CUBN: variants seen among roughly 807,000 people sequenced by gnomAD.
CUBN encodes the protein 460 kDa receptor.
Under a neutral mutation model 405.3 loss-of-function variants are expected in CUBN, and 282 were observed. The observed-to-expected ratio is 0.70, with a 90% confidence interval of 0.63 to 0.77. The LOEUF (loss-of-function observed/expected upper bound fraction) is 0.77, where lower values mean the gene tolerates loss of function less well. Among genes scored for constraint, CUBN ranks in the 30% least tolerant of loss-of-function variants. The pLI, the probability that CUBN is intolerant of heterozygous loss-of-function variation, is 0.00. For synonymous variants in CUBN, 1,684 were observed against 1,617.0 expected, an observed-to-expected ratio of 1.04 and a Z score of -0.99; for missense variants, 4,514 against 4,475.2, an observed-to-expected ratio of 1.01 and a Z score of -0.25.
chr10:16,907,471 G>C, intron 49 of CUBN, 37 bp downstream of exon 49: 2 of 1,607,852 alleles, frequency 1.2e-6, no homozygotes, highest in Non-Finnish European at 8.5e-7. Context: ...CAGTGCCCCT[G>C]ATTAAAATGG....
intron 27 of CUBN, chr10:17,023,692 T>G: frequency 2.2e-6 from 1 of 452,092 alleles, no homozygotes; most frequent in Non-Finnish European, 4.5e-6. Context: ...CCTGAAGATC[T>G]ACTCAGAGTG....
chr10:17,056,964 T>C (rs1835409819), intron 22 of CUBN, among the ~76,000 whole-genome samples: 1 of 152,110 alleles, frequency 6.6e-6, no homozygotes, highest in African/African-American at 2.4e-5. Flanking sequence ...CTATTAGTCA[T>C]CAGGGAAATG....
chr10:16,851,734 CTCTA>C (rs1286027722), intron 59 of CUBN, among the ~76,000 whole-genome samples: 1 of 135,882 alleles, frequency 7.4e-6, no homozygotes, highest in Non-Finnish European at 1.6e-5. Flanking sequence ...CCCTCCCTCC[CTCTA>C]TCTTTCCCTC....
intron 54 of CUBN, among the ~76,000 whole-genome samples, chr10:16,892,644 A>G (rs1325439240): frequency 1.3e-5 from 2 of 152,122 alleles, no homozygotes; most frequent in African/African-American, 4.8e-5. Flanking sequence ...GGTGCGTGCA[A>G]CCATGCCTGG....
chr10:16,968,021 G>C (rs1000879314), intron 31 of CUBN, among the ~76,000 whole-genome samples: 2 of 151,052 alleles, frequency 1.3e-5, no homozygotes, highest in Non-Finnish European at 1.5e-5. Context: ...GAGGGAGAGA[G>C]GAAGAGGAGG....
chr10:17,044,018 GACTATAA>G (rs1564492160), intron 25 of CUBN, 35 bp from the exon 26 acceptor site: 1 of 1,574,048 alleles, frequency 6.4e-7, no homozygotes, highest in Non-Finnish European at 8.7e-7. Context: ...AGATGGTTGA[GACTATAA>G]ACATTATGTA....
At position 16,913,884 on chromosome 10, in the gene CUBN, C is replaced by G; in HGVS notation, c.7460G>C (p.Gly2487Ala). The change falls in exon 48 of 67, where the codon GGA becomes GCA. Residue 2487 changes from glycine (G) to alanine (A), a missense_variant. Physicochemically the swap from Gly to Ala is moderately conservative, Grantham distance 60. Around this residue, in one of 5 missense-constraint regions of CUBN, gnomAD observed 1,613 missense variants for 1,542.8 expected, o/e 1.05. Coordinates refer to ENST00000377833, the MANE Select transcript of CUBN (RefSeq NM_001081.4). ...ICEWRITAPE[G>A]RRITLMFNNL... is the part of the protein sequence containing the mutation. The stretch of plus-strand genomic sequence containing the variant: ...GTTAAACATTAGGGTGATCCGCCTT[C>G]CCTCCGGGGCAGTGATTCTCCACTC... 1 of 1,614,112 alleles carries G rather than the reference C, an allele frequency of 6.2e-7. No individual in the cohort carries two copies. The highest frequency in any genetic ancestry group is 1.1e-5 in the South Asian group (1 of 91,074).
rs78439308 is a variant in CUBN at position 17,039,028 on chromosome 10, A to G, written c.4017+2005T>C. Reference sequence around the variant, plus strand: ...CTTTTTGTTGCCATTTCATCCTCAAATGAGTCGAAAGAAATGGAGTTCAGG... The same window carrying G: ...CTTTTTGTTGCCATTTCATCCTCAAGTGAGTCGAAAGAAATGGAGTTCAGG... On this transcript the variant is annotated intron_variant, in intron 27 of 66. Transcript: ENST00000377833. 6.6e-3 allele frequency among the ~76,000 whole-genome samples: 1,002 copies of G among 152,262 alleles called. 11 individuals carry two copies. Among genetic ancestry groups the G allele is most frequent in the African/African-American group, 0.023 (961 of 41,520 alleles).
intron 58 of CUBN, among the ~76,000 whole-genome samples, chr10:16,871,201 T>A (rs1004745762): frequency 2.0e-5 from 3 of 151,614 alleles, no homozygotes; most frequent in Non-Finnish European, 2.9e-5. Context: ...CTATTTTTTT[T>A]AATTACATGT....
intron 40 of CUBN, among the ~76,000 whole-genome samples, chr10:16,932,011 G>C (rs944610016): frequency 6.6e-6 from 1 of 152,172 alleles, no homozygotes; most frequent in Non-Finnish European, 1.5e-5. Context: ...TGCACAGGAA[G>C]GCTTAGATGT....
chr10:17,008,238 GGTGTGT>G (rs55936618), intron 28 of CUBN, among the ~76,000 whole-genome samples: 14 of 80,908 alleles, frequency 1.7e-4, no homozygotes, highest in Middle Eastern at 6.3e-3. Context: ...GCCCGTGTGT[GGTGTGT>G]GTGTGTGTGT....
chr10:17,000,987 T>A (rs1833862542), intron 28 of CUBN, among the ~76,000 whole-genome samples: 1 of 151,956 alleles, frequency 6.6e-6, no homozygotes, highest in Admixed American at 6.6e-5. Context: ...GTGTCCGGAG[T>A]TTGCTCCTTC....
chr10:16,865,354 C>T (rs940436781), intron 59 of CUBN, among the ~76,000 whole-genome samples: 1 of 152,112 alleles, frequency 6.6e-6, no homozygotes, highest in Non-Finnish European at 1.5e-5. Flanking sequence ...GCCTTGGTCT[C>T]TTAGCAAAGG....
At chr10:17,057,047 T>C (rs1240021455) in intron 22 of CUBN, among the ~76,000 whole-genome samples, 2 of 152,052 alleles carry the variant, frequency 1.3e-5, no homozygotes, top group African/African-American at 4.8e-5. Context: ...ATATTAAGGA[T>C]TGGGAAAGAT....
chr10:16,974,448 G>A (rs1348191653), intron 31 of CUBN, among the ~76,000 whole-genome samples: 2 of 151,640 alleles, frequency 1.3e-5, no homozygotes, highest in Admixed American at 1.3e-4. Context: ...TTTTGAGAGG[G>A]AGTCTCACTC....
chr10:16,835,178 G>A lies in CUBN; in HGVS notation c.10198C>T (p.His3400Tyr), dbSNP rs943972833. 2 of 1,613,696 alleles carry A rather than the reference G, an allele frequency of 1.2e-6. No individual in the cohort carries two copies. Among genetic ancestry groups the A allele is most frequent in the Non-Finnish European group, 8.5e-7 (1 of 1,179,710 alleles). ...CTTCTCAGGTTGCCAAATGCCTTGT[G>A]ATAGTCTCTGTTGCAATCTTAGAGG... is the stretch of plus-strand genomic sequence containing the variant. ...YQIADCNRDY[H>Y]KAFGNLRSPG... The change falls in exon 64 of 67, where the codon CAC becomes TAC. Residue 3400 changes from histidine to tyrosine, a missense_variant. Physicochemically the swap from His to Tyr is moderately conservative, Grantham distance 83. Around this residue, in one of 5 missense-constraint regions of CUBN, gnomAD observed 1,186 missense variants for 1,186.9 expected, o/e 1.00. Coordinates refer to ENST00000377833, the MANE Select transcript of CUBN (RefSeq NM_001081.4).
intron 27 of CUBN, among the ~76,000 whole-genome samples, chr10:17,031,547 G>C (rs1834788500): frequency 2.0e-5 from 3 of 152,204 alleles, no homozygotes; most frequent in Admixed American, 6.5e-5. Flanking sequence ...AGCAGGTACA[G>C]AGACTACCAA....
chr10:17,085,360 C>T (rs1269786002), intron 16 of CUBN, among the ~76,000 whole-genome samples: 1 of 152,160 alleles, frequency 6.6e-6, no homozygotes, highest in Non-Finnish European at 1.5e-5. Context: ...GTGCCTCATA[C>T]ATCTTTATCA....
chr10:17,030,801 C>T (rs1564487606), intron 27 of CUBN, among the ~76,000 whole-genome samples: 1 of 151,882 alleles, frequency 6.6e-6, no homozygotes, highest in South Asian at 2.1e-4. Flanking sequence ...TGCCTGTGGC[C>T]CCAGCTACTC....
Sources: allele counts gnomAD v4.1 joint callset (sites outside exome capture counted in the v4.1 genomes callset), GRCh38; gene constraint gnomAD v4.1.1; regional missense constraint gnomAD v4.1.1; transcripts MANE v1.5; gene names NCBI Gene and HGNC (gene_info 2026-07-23, HGNC 2026-07-21).